Variants in BMP8B observed in about 807,000 individuals in gnomAD.
BMP8B encodes the protein bone morphogenetic protein 8b, also known as bone morphogenetic protein 8 (osteogenic protein 2).
In BMP8B, 17 loss-of-function variants were observed where a neutral mutation model predicts 30.3. The ratio of observed to expected loss-of-function variants is 0.56; its 90% CI spans 0.38 to 0.84. The LOEUF is 0.84. BMP8B is among the 40% of genes least tolerant of loss of function. The probability of loss-of-function intolerance (pLI) is 0.00; values close to 1 mark genes in which losing one functional copy is unlikely to be tolerated. For missense variants in BMP8B, 253 were observed against 494.6 expected (o/e 0.51, Z 4.63); for synonymous variants, 131 against 214.7 (o/e 0.61, Z 3.41).
intron 1 of BMP8B, among the ~76,000 whole-genome samples, chr1:39,777,134 T>C (rs966121191): frequency 2.6e-5 from 4 of 152,170 alleles, no homozygotes; most frequent in African/African-American, 9.7e-5. Context: ...CTAGCAAAAT[T>C]ACATTTGACA....
chr1:39,763,958 G>A, intron 4 of BMP8B, 167 bp from the exon 5 acceptor site: 2 of 950,538 alleles, frequency 2.1e-6, no homozygotes, highest in Non-Finnish European at 3.1e-6. Context: ...CTTGTACCAT[G>A]ACCCAGCTCA....
At position 39,784,653 on chromosome 1, in the gene BMP8B, T is replaced by G. The variant is rs1226752515; in HGVS notation, c.334+3499A>C. On this transcript the variant is annotated intron_variant, in intron 1 of 6. Transcript: ENST00000372827. Reference sequence around the variant, plus strand: ...ATGGGAAAATGAAAGAGGTCCCTGGTAAAGAACCAAAGGAAGTGGCCCTGG... The same window carrying G: ...ATGGGAAAATGAAAGAGGTCCCTGGGAAAGAACCAAAGGAAGTGGCCCTGG... Among the ~76,000 whole-genome samples the G allele has an allele frequency of 8.3e-5, 10 of 119,792 alleles. 1 individual carries two copies. The highest frequency in any genetic ancestry group is 2.5e-4 in the African/African-American group (9 of 35,370). 78.6% of individuals were successfully genotyped at this position (119,792 alleles called of 152,430 possible). A position where few individuals can be genotyped will look rare whatever the true frequency, so the allele number is the denominator to read the frequency against.
At chr1:39,777,025 C>T (rs759870894) in intron 1 of BMP8B, among the ~76,000 whole-genome samples, 12 of 152,080 alleles carry the variant, frequency 7.9e-5, no homozygotes, top group African/African-American at 2.2e-4. Context: ...TAGGGTGCTC[C>T]GTATGGCCTT....
rs752621867 is a variant in BMP8B, at chr1:39,760,509, G to A, written c.1119C>T (p.Ser373=). The A allele has an allele frequency of 4.0e-5, 64 of 1,614,026 alleles. No homozygotes were observed. The Middle Eastern group carries it at 4.9e-4, about 12-fold the overall frequency. ...TGTCATAGTAGAGCACAGAGGTGGC[G>A]CTCAGCTTGGTGGGTGCACAGCACG... is the stretch of plus-strand genomic sequence containing the variant. The part of the protein sequence containing the change: ...PKACCAPTKL[S]ATSVLYYDSS... The change falls in exon 7 of 7, where the codon AGC becomes AGT. Residue 373 remains serine (S), a synonymous_variant. Transcript: ENST00000372827.
rs759851327 is a variant in BMP8B at position 39,760,586 on chromosome 1, A to G, written c.1060-18T>C. 4.3e-6 allele frequency: 7 copies of G among 1,611,930 alleles called. No homozygotes were observed. The South Asian group carries it at 5.5e-5, about 13-fold the overall frequency. On this transcript the variant is annotated intron_variant, in intron 6 of 6. Transcript: ENST00000372827. Reference sequence around the variant, plus strand: ...AGGTGCACCTGGCCAGGAAGAGGGCACAGGCAGGGGCATGAGCCCAGTGGC... The same window carrying G: ...AGGTGCACCTGGCCAGGAAGAGGGCGCAGGCAGGGGCATGAGCCCAGTGGC...
At chr1:39,781,244 C>A (rs1009737331) in intron 1 of BMP8B, among the ~76,000 whole-genome samples, 1 of 152,170 alleles carries the variant, frequency 6.6e-6, no homozygotes, top group Admixed American at 6.5e-5. Flanking sequence ...CCAGGTCTTG[C>A]AGCCATCAAC....
At chr1:39,769,832 A>G in intron 3 of BMP8B, 1 of 1,612,410 alleles carries the variant, frequency 6.2e-7, no homozygotes, top group Non-Finnish European at 8.5e-7. Flanking sequence ...CTTCCTGTGC[A>G]CGTCAAACAC....
rs368582040 is a variant in BMP8B at position 39,785,644 on chromosome 1, C to T, written c.334+2508G>A. The stretch of plus-strand genomic sequence containing the variant: ...CGGCAGGAGCAGGTGTGGGAGCCTG[C>T]GTGTGGGCGGTGACACCACAGTGAC... On this transcript the variant is annotated intron_variant, in intron 1 of 6. Transcript: ENST00000372827. Among the ~76,000 whole-genome samples, 176 of 152,264 alleles carry T rather than the reference C, an allele frequency of 1.2e-3. 1 individual carries two copies. The highest frequency in any genetic ancestry group is 4.0e-3 in the African/African-American group (166 of 41,566).
chr1:39,779,663 A>G (rs1212412894), intron 1 of BMP8B, among the ~76,000 whole-genome samples: 2 of 152,210 alleles, frequency 1.3e-5, no homozygotes, highest in Non-Finnish European at 2.9e-5. Context: ...AGAGAACTGA[A>G]GAGTCACCCA....
rs199566801 is a variant in BMP8B, at chr1:39,762,587, G to GC, written c.1059+504_1059+505insG. The GC allele has an allele frequency of 5.2e-4, 808 of 1,549,806 alleles. 2 individuals are homozygous for GC. The African/African-American group carries it at 9.5e-3, about 18-fold the overall frequency. ...AACAAAGATGGCCAAGAGAGAAACT[G>GC]GGGGAAAAGCCAAAAGGTTGAGAGC... On this transcript the variant is annotated intron_variant, in intron 6 of 6. Transcript: ENST00000372827.
At chr1:39,777,032 C>G (rs568068319) in intron 1 of BMP8B, among the ~76,000 whole-genome samples, 9 of 152,116 alleles carry the variant, frequency 5.9e-5, no homozygotes, top group African/African-American at 2.2e-4. Context: ...CTCCGTATGG[C>G]CTTTGAGAAA....
chr1:39,781,690 C>T (rs945533132), intron 1 of BMP8B, among the ~76,000 whole-genome samples: 3 of 152,186 alleles, frequency 2.0e-5, no homozygotes, highest in African/African-American at 7.2e-5. Context: ...CAACAAAGGC[C>T]TCAGACAACT....
intron 1 of BMP8B, among the ~76,000 whole-genome samples, chr1:39,784,209 G>A (rs576177609): frequency 7.9e-5 from 12 of 152,178 alleles, no homozygotes; most frequent in African/African-American, 1.9e-4. Context: ...TTCTGGGCAC[G>A]TGGGCATCGC....
intron 3 of BMP8B, chr1:39,769,452 A>C: frequency 2.3e-6 from 1 of 430,980 alleles, no homozygotes. Context: ...TCACAGAGCA[A>C]AGCGGACATC....
chr1:39,787,317 A>G (rs373022673), intron 1 of BMP8B, among the ~76,000 whole-genome samples: 1 of 152,226 alleles, frequency 6.6e-6, no homozygotes, highest in Admixed American at 6.5e-5. Flanking sequence ...CCCAGACCCC[A>G]GACTGTCACT....
chr1:39,762,483 T>G (rs2124423028), intron 6 of BMP8B: 1 of 1,540,036 alleles, frequency 6.5e-7, no homozygotes, highest in Non-Finnish European at 8.8e-7. Context: ...GCAGCACCAG[T>G]GATCCCATCA....
At chr1:39,779,859 G>T (rs748876845) in intron 1 of BMP8B, among the ~76,000 whole-genome samples, 2 of 152,218 alleles carry the variant, frequency 1.3e-5, no homozygotes, top group Non-Finnish European at 2.9e-5. Flanking sequence ...AACACATATT[G>T]TTGCACATTG....
chr1:39,780,043 G>A (rs1436281550), intron 1 of BMP8B, among the ~76,000 whole-genome samples: 1 of 152,128 alleles, frequency 6.6e-6, no homozygotes, highest in Non-Finnish European at 1.5e-5. Context: ...TCTCCATAGG[G>A]CTGCTCACCT....
At chr1:39,762,664 A>C (rs775823788) in intron 6 of BMP8B, 2 of 1,531,382 alleles carry the variant, frequency 1.3e-6, no homozygotes, top group Non-Finnish European at 1.8e-6. Context: ...GGGTGAGTGC[A>C]CACGCACACC....
Sources: gnomAD v4.1 joint callset for allele counts (sites outside exome capture counted in the v4.1 genomes callset) on GRCh38, gnomAD v4.1.1 for gene constraint, MANE v1.5 for transcripts, NCBI Gene and HGNC (gene_info 2026-07-23, HGNC 2026-07-21) for gene names.